Variants in PAWR observed in about 807,000 individuals in gnomAD.
PAWR encodes the protein PRKC apoptosis WT1 regulator protein.
A neutral mutation model predicts 32.0 loss-of-function variants in PAWR; 23 were observed. That is an observed-to-expected ratio of 0.72 (90% CI 0.52 to 1.02). The LOEUF is 1.02. Among genes scored for constraint, PAWR ranks in the 50% least tolerant of loss-of-function variants. The probability of loss-of-function intolerance (pLI) is 0.00; values close to 1 mark genes in which losing one functional copy is unlikely to be tolerated. For synonymous variants in PAWR, 226 were observed against 187.1 expected (o/e 1.21, Z -1.70); for missense variants, 457 against 437.7 (o/e 1.04, Z -0.39).
At chr12:79,614,532 T>C (rs1181857537) in intron 3 of PAWR, among the ~76,000 whole-genome samples, 3 of 152,192 alleles carry the variant, frequency 2.0e-5, no homozygotes, top group African/African-American at 4.8e-5. Flanking sequence ...GAAAAATTGT[T>C]ACCTTGCAAA....
At chr12:79,605,545 A>G (rs1373779665) in intron 4 of PAWR, among the ~76,000 whole-genome samples, 2 of 151,914 alleles carry the variant, frequency 1.3e-5, no homozygotes, top group African/African-American at 4.8e-5. Flanking sequence ...AAAAGCCTTC[A>G]ACTAAGCAAT....
rs1175067416 is a variant in PAWR, at chr12:79,670,329, G to A, written c.516+19400C>T. Among the ~76,000 whole-genome samples the A allele has an allele frequency of 5.9e-5, 9 of 152,232 alleles. No homozygotes were observed. The South Asian group carries it at 6.2e-4, about 11-fold the overall frequency. ...TTGAATTGTATCCTCAAAGATTACAGAATTAGGTAATGAAAGCTTAAAAAA... is the reference window on the plus strand; with the variant it reads ...TTGAATTGTATCCTCAAAGATTACAAAATTAGGTAATGAAAGCTTAAAAAA... On this transcript the variant is annotated intron_variant, in intron 2 of 6. Coordinates refer to ENST00000328827, the MANE Select transcript of PAWR (RefSeq NM_002583.4).
intron 2 of PAWR, among the ~76,000 whole-genome samples, chr12:79,638,863 CATATATATATATATAT>C (rs1555237600): frequency 0.011 from 87 of 8,146 alleles, 1 homozygote; most frequent in African/African-American, 0.024. Context: ...GAGATGGAGT[CATATATATATATATAT>C]ATATATATAT....
intron 3 of PAWR, among the ~76,000 whole-genome samples, chr12:79,616,091 A>C (rs956814498): frequency 6.6e-6 from 1 of 151,346 alleles, no homozygotes; most frequent in African/African-American, 2.4e-5. Context: ...TTCCCCTGGT[A>C]GTTTCACAAA....
At chr12:79,655,633 A>T (rs1473979137) in intron 2 of PAWR, among the ~76,000 whole-genome samples, 1 of 152,206 alleles carries the variant, frequency 6.6e-6, no homozygotes, top group East Asian at 1.9e-4. Flanking sequence ...AGTCTGTATT[A>T]AGGCCTCAGA....
intron 2 of PAWR, among the ~76,000 whole-genome samples, chr12:79,686,584 CA>C (rs928855319): frequency 8.5e-5 from 13 of 152,276 alleles, no homozygotes; most frequent in African/African-American, 3.1e-4. Flanking sequence ...CATGAGCAAA[CA>C]TTTTTTTAAA....
intron 2 of PAWR, among the ~76,000 whole-genome samples, chr12:79,674,340 G>A (rs1878054039): frequency 6.6e-6 from 1 of 151,862 alleles, no homozygotes; most frequent in Non-Finnish European, 1.5e-5. Context: ...GAGATAACTG[G>A]CTAGCCATAT....
chr12:79,617,805 T>C (rs920772610), intron 3 of PAWR, among the ~76,000 whole-genome samples: 2 of 151,956 alleles, frequency 1.3e-5, no homozygotes, highest in African/African-American at 4.8e-5. Context: ...TGTTGGGAGG[T>C]GACTGGATCA....
intron 2 of PAWR, chr12:79,632,053 A>G (rs563790015): frequency 6.7e-6 from 1 of 149,102 alleles, no homozygotes; most frequent in East Asian, 2.0e-4. Context: ...GAATCGCTTG[A>G]ACCCGGGAGG....
At chr12:79,638,641 G>C (rs1447100378) in intron 2 of PAWR, among the ~76,000 whole-genome samples, 1 of 151,350 alleles carries the variant, frequency 6.6e-6, no homozygotes, top group African/African-American at 2.4e-5. Context: ...TATGTACACA[G>C]AATACAGAAT....
At chr12:79,602,770 ATT>A (rs1037453130) in intron 4 of PAWR, among the ~76,000 whole-genome samples, 12 of 139,348 alleles carry the variant, frequency 8.6e-5, no homozygotes, top group Admixed American at 2.2e-4. Context: ...TACCTGGCTA[ATT>A]TTTTTTTTTT....
chr12:79,621,717 T>A (rs2136717478), intron 2 of PAWR, among the ~76,000 whole-genome samples: 1 of 152,218 alleles, frequency 6.6e-6, no homozygotes, highest in East Asian at 1.9e-4. Context: ...TAAAAAATCT[T>A]GTAATTTAAA....
In PAWR at chr12:79,625,560, G is replaced by A. The variant is rs544010380; in HGVS notation, c.517-4353C>T. On this transcript the variant is annotated intron_variant, in intron 2 of 6. Coordinates refer to ENST00000328827, the MANE Select transcript of PAWR (RefSeq NM_002583.4). ...AGAGGGGCCGGGCGTGGTGGCTCAC[G>A]CCTGTAATCCCAGCACTTTGGGAGG... 1.9e-4 allele frequency among the ~76,000 whole-genome samples: 29 copies of A among 152,150 alleles called. No individual in the cohort carries two copies. In the East Asian group the frequency reaches 5.4e-3, roughly 28 times the overall value.
chr12:79,649,555 C>A (rs532508375), intron 2 of PAWR, among the ~76,000 whole-genome samples: 1 of 152,112 alleles, frequency 6.6e-6, no homozygotes, highest in Admixed American at 6.5e-5. Context: ...GAGAGGCCCA[C>A]GCAGAAGGAT....
intron 3 of PAWR, among the ~76,000 whole-genome samples, chr12:79,620,807 C>T (rs567636654): frequency 2.6e-5 from 4 of 152,044 alleles, no homozygotes; most frequent in South Asian, 2.1e-4. Flanking sequence ...AGGAGCAATC[C>T]GACATGAGTT....
At chr12:79,663,685 G>A (rs1311514096) in intron 2 of PAWR, among the ~76,000 whole-genome samples, 8 of 152,012 alleles carry the variant, frequency 5.3e-5, no homozygotes, top group Admixed American at 1.3e-4. Flanking sequence ...ACTTGAGTGC[G>A]GGAGGTGGAG....
intron 2 of PAWR, among the ~76,000 whole-genome samples, chr12:79,675,712 C>G (rs1565702298): frequency 6.6e-6 from 1 of 152,066 alleles, no homozygotes; most frequent in Non-Finnish European, 1.5e-5. Flanking sequence ...AAGAAGGAAA[C>G]AATAGTCACT....
chr12:79,621,247 A>G, intron 2 of PAWR, 40 bp from the exon 3 acceptor site: 1 of 1,457,734 alleles, frequency 6.9e-7, no homozygotes, highest in Non-Finnish European at 9.4e-7. Context: ...TTCTACTATT[A>G]ATAGACTGTT....
chr12:79,676,852 T>C (rs900729023), intron 2 of PAWR, among the ~76,000 whole-genome samples: 2 of 152,290 alleles, frequency 1.3e-5, no homozygotes, highest in African/African-American at 2.4e-5. Flanking sequence ...GCATTTCTTA[T>C]CAGTCCTTCA....
Sources: allele counts gnomAD v4.1 joint callset (sites outside exome capture counted in the v4.1 genomes callset), GRCh38; gene constraint gnomAD v4.1.1; transcripts MANE v1.5; gene names NCBI Gene and HGNC (gene_info 2026-07-23, HGNC 2026-07-21).